Variants in OLA1 observed in about 807,000 individuals in gnomAD.
The protein encoded by OLA1 is obg-like ATPase 1.
Under a neutral mutation model 48.4 loss-of-function variants are expected in OLA1, and 14 were observed. The observed-to-expected ratio is 0.29, with a 90% CI of 0.19 to 0.45. The LOEUF (loss-of-function observed/expected upper bound fraction) is 0.45, where lower values mean the gene tolerates loss of function less well. Among genes scored for constraint, OLA1 ranks in the 20% least tolerant of loss-of-function variants. The probability of loss-of-function intolerance (pLI) is 1.00; values close to 1 mark genes in which losing one functional copy is unlikely to be tolerated. For synonymous variants in OLA1, 127 were observed against 150.4 expected (o/e 0.84, Z 1.14); for missense variants, 325 against 467.1 (o/e 0.70, Z 2.80).
intron 5 of OLA1, among the ~76,000 whole-genome samples, chr2:174,136,406 A>T (rs1686309769): frequency 6.6e-6 from 1 of 152,208 alleles, no homozygotes. Flanking sequence ...CCAGCAGTAG[A>T]TTCCATCTCA....
At chr2:174,086,270 G>A (rs897597343) in intron 7 of OLA1, among the ~76,000 whole-genome samples, 2 of 152,076 alleles carry the variant, frequency 1.3e-5, no homozygotes, top group Admixed American at 1.3e-4. Flanking sequence ...TCTAGTATCT[G>A]GTCATGGAAA....
chr2:174,229,972 G>A (rs767594005), intron 2 of OLA1, among the ~76,000 whole-genome samples: 1 of 152,102 alleles, frequency 6.6e-6, no homozygotes, highest in East Asian at 1.9e-4. Context: ...AGGATTACTG[G>A]TAAGTCTAGA....
In OLA1 at chr2:174,073,990, C is replaced by T. The variant is rs1180196777; in HGVS notation, c.*1436G>A. 2 of 152,200 alleles carry T rather than the reference C, an allele frequency of 1.3e-5. No individual in the cohort carries two copies. Among genetic ancestry groups the T allele is most frequent in the Non-Finnish European group, 2.9e-5 (2 of 68,036 alleles). The allele number at this position is 152,200 out of a possible 1,614,324, so 9.4% of individuals were successfully genotyped here. On this transcript the variant is annotated 3_prime_UTR_variant, in exon 11 of 11. Transcript: ENST00000284719. ...ATCACTATTTGATACTAAAAAAATA[C>T]TCACTGGAGAGCTTCTAAATTATAC...
At chr2:174,081,060 C>T in intron 9 of OLA1, 92 bp downstream of exon 9, 4 of 1,043,056 alleles carry the variant, frequency 3.8e-6, no homozygotes, top group Non-Finnish European at 5.9e-6. Context: ...GACTAGCTAA[C>T]CGCCACCATG....
chr2:174,172,793 C>T (rs1245298758), intron 4 of OLA1: 1 of 152,594 alleles, frequency 6.6e-6, no homozygotes, highest in African/African-American at 2.4e-5. Flanking sequence ...AATGTAATCC[C>T]CAGTGTTGGA....
chr2:174,129,600 T>C (rs539901410), intron 5 of OLA1, among the ~76,000 whole-genome samples: 1 of 151,974 alleles, frequency 6.6e-6, no homozygotes, highest in South Asian at 2.1e-4. Flanking sequence ...ACTGGTTAGA[T>C]AACACACTAA....
At chr2:174,184,699 A>C (rs1051451912) in intron 4 of OLA1, among the ~76,000 whole-genome samples, 3 of 152,202 alleles carry the variant, frequency 2.0e-5, no homozygotes, top group African/African-American at 4.8e-5. Flanking sequence ...GAGGGAATTG[A>C]AACTGAGTGA....
intron 4 of OLA1, among the ~76,000 whole-genome samples, chr2:174,183,742 T>C (rs1687597208): frequency 6.6e-6 from 1 of 152,178 alleles, no homozygotes; most frequent in South Asian, 2.1e-4. Context: ...TAGATAATAG[T>C]AGTACTTTCC....
At chr2:174,159,742 C>G (rs1686969271) in intron 4 of OLA1, among the ~76,000 whole-genome samples, 1 of 152,044 alleles carries the variant, frequency 6.6e-6, no homozygotes, top group Non-Finnish European at 1.5e-5. Flanking sequence ...TATTATCCAT[C>G]AGTATTGCTA....
intron 4 of OLA1, among the ~76,000 whole-genome samples, chr2:174,159,307 C>T (rs375615367): frequency 4.6e-5 from 7 of 152,110 alleles, no homozygotes; most frequent in South Asian, 2.1e-4. Context: ...TGTCTTGCCA[C>T]GGCTATATTG....
intron 4 of OLA1, among the ~76,000 whole-genome samples, chr2:174,203,881 G>A (rs986862546): frequency 6.7e-6 from 1 of 149,012 alleles, no homozygotes; most frequent in Admixed American, 6.7e-5. Flanking sequence ...TGCAACCTCT[G>A]CCGCCCGGGT....
At chr2:174,195,062 C>T (rs1687854946) in intron 4 of OLA1, among the ~76,000 whole-genome samples, 1 of 152,096 alleles carries the variant, frequency 6.6e-6, no homozygotes, top group African/African-American at 2.4e-5. Context: ...TCCTGCTGTG[C>T]TTCAGCCTTC....
chr2:174,213,441 C>T lies in OLA1; in HGVS notation c.373+9592G>A, dbSNP rs567171009. ...TGAAATGTAACTTCAAAACTTCTAA[C>T]GACAGCTTTAAAAAGTTAAGAATCT... On this transcript the variant is annotated intron_variant, in intron 4 of 10. Coordinates refer to ENST00000284719, the MANE Select transcript of OLA1 (RefSeq NM_013341.5). 2.1e-4 allele frequency among the ~76,000 whole-genome samples: 32 copies of T among 151,822 alleles called. 1 individual carries two copies. The South Asian group carries it at 5.2e-3, about 25-fold the overall frequency.
At chr2:174,176,031 G>A (rs1574529633) in intron 4 of OLA1, among the ~76,000 whole-genome samples, 1 of 151,998 alleles carries the variant, frequency 6.6e-6, no homozygotes, top group African/African-American at 2.4e-5. Flanking sequence ...ATAAGGGTTA[G>A]GGGAGAGGAT....
intron 8 of OLA1, 45 bp from the exon 9 acceptor site, chr2:174,081,293 T>C: frequency 7.0e-7 from 1 of 1,433,058 alleles, no homozygotes; most frequent in Non-Finnish European, 9.8e-7. Context: ...AAGTTGATTG[T>C]GCCAGAAATT....
At chr2:174,194,962 T>C (rs1219427968) in intron 4 of OLA1, among the ~76,000 whole-genome samples, 1 of 152,100 alleles carries the variant, frequency 6.6e-6, no homozygotes, top group South Asian at 2.1e-4. Context: ...TTTCTCTCTC[T>C]CTCTCTGCAA....
intron 7 of OLA1, among the ~76,000 whole-genome samples, chr2:174,102,496 T>A (rs1685420096): frequency 6.6e-6 from 1 of 151,682 alleles, no homozygotes; most frequent in South Asian, 2.1e-4. Context: ...TGGTTTATTC[T>A]GAGAGAGAAA....
In OLA1 at chr2:174,141,927, A is replaced by G. The variant is rs537567444; in HGVS notation, c.447T>C (p.His149=). ...CCTCATCTTTAAGCTGAAGCTCTTC[A>G]TGTATTATTTCTATATCTCGAATAG... ...VDPIRDIEII[H]EELQLKDEEM... is the part of the protein sequence containing the mutation. The change falls in exon 5 of 11, where the codon CAT becomes CAC. Residue 149 remains histidine, a synonymous_variant. Transcript: ENST00000284719. 6.3e-7 allele frequency: 1 copy of G among 1,594,722 alleles called. No homozygotes were observed. The highest frequency in any genetic ancestry group is 2.3e-5 in the East Asian group (1 of 43,876).
intron 10 of OLA1, among the ~76,000 whole-genome samples, chr2:174,077,338 A>G (rs1280291124): frequency 6.6e-6 from 1 of 151,210 alleles, no homozygotes; most frequent in African/African-American, 2.4e-5. Context: ...ACATACATAC[A>G]TACATACATA....
Sources: gnomAD v4.1 joint callset for allele counts (sites outside exome capture counted in the v4.1 genomes callset) on GRCh38, gnomAD v4.1.1 for gene constraint, MANE v1.5 for transcripts, NCBI Gene and HGNC (gene_info 2026-07-23, HGNC 2026-07-21) for gene names.